Variants in GRIA4 observed in about 807,000 individuals in gnomAD.
The protein encoded by GRIA4 is glutamate ionotropic receptor AMPA type subunit 4.
In GRIA4, 34 loss-of-function variants were observed where a neutral mutation model predicts 104.0. The ratio of observed to expected loss-of-function variants is 0.33; its 90% CI spans 0.25 to 0.44. GRIA4 has a LOEUF of 0.44. Among genes scored for constraint, GRIA4 ranks in the 20% least tolerant of loss-of-function variants. The pLI is 1.00. For missense variants in GRIA4, 750 were observed against 1,096.5 expected, an observed-to-expected ratio of 0.68 and a Z score of 4.46; for synonymous variants, 386 against 381.9, an observed-to-expected ratio of 1.01 and a Z score of -0.13.
intron 3 of GRIA4, among the ~76,000 whole-genome samples, chr11:105,721,327 C>G (rs917573006): frequency 6.6e-6 from 1 of 152,048 alleles, no homozygotes; most frequent in African/African-American, 2.4e-5. Flanking sequence ...GAATGCCCCT[C>G]CCCTTCCTGT....
chr11:105,877,010 A>G (rs1262560871), intron 5 of GRIA4, among the ~76,000 whole-genome samples: 2 of 152,186 alleles, frequency 1.3e-5, no homozygotes, highest in African/African-American at 2.4e-5. Context: ...CATAGTGTCA[A>G]TGGTCTTTAC....
chr11:105,832,507 A>G (rs1249205049), intron 4 of GRIA4, among the ~76,000 whole-genome samples: 1 of 151,722 alleles, frequency 6.6e-6, no homozygotes, highest in Non-Finnish European at 1.5e-5. Flanking sequence ...CTCTGCTGCA[A>G]CCCTCTGAAG....
At chr11:105,737,560 TA>T (rs1939033063) in intron 3 of GRIA4, among the ~76,000 whole-genome samples, 1 of 152,174 alleles carries the variant, frequency 6.6e-6, no homozygotes, top group Non-Finnish European at 1.5e-5. Flanking sequence ...TTGTCCTTTT[TA>T]AATTGACAGC....
chr11:105,760,865 C>T (rs933581043), intron 4 of GRIA4, among the ~76,000 whole-genome samples: 4 of 151,456 alleles, frequency 2.6e-5, no homozygotes, highest in Non-Finnish European at 4.4e-5. Context: ...TTTTCATGTT[C>T]GAGTACATGG....
At chr11:105,976,741 C>T (rs11821382) in intron 16 of GRIA4, among the ~76,000 whole-genome samples, 42,503 of 151,696 alleles carry the variant, frequency 0.28, 5,944 homozygotes, top group Non-Finnish European at 0.29. Flanking sequence ...AGTGATCATC[C>T]CTCAAGGGAA....
At position 105,692,284 on chromosome 11, in the gene GRIA4, G is replaced by A. The variant is rs142763028; in HGVS notation, c.248-60697G>A. On this transcript the variant is annotated intron_variant, in intron 3 of 16. Coordinates refer to ENST00000282499, the MANE Select transcript of GRIA4 (RefSeq NM_000829.4). ...AAAAAAAAGAAAGTTGCCATTAAAC[G>A]AGTGATTTCTGGGTCTAAGACACCA... 2.6e-3 allele frequency among the ~76,000 whole-genome samples: 391 copies of A among 151,540 alleles called. 2 individuals carry two copies. Among genetic ancestry groups the A allele is most frequent in the African/African-American group, 8.2e-3 (338 of 41,248 alleles).
At chr11:105,624,634 A>C (rs1249394012) in intron 3 of GRIA4, among the ~76,000 whole-genome samples, 1 of 152,122 alleles carries the variant, frequency 6.6e-6, no homozygotes, top group Non-Finnish European at 1.5e-5. Context: ...CTATGTATAC[A>C]GTCTTACCTA....
At chr11:105,969,589 A>G (rs969686593) in intron 14 of GRIA4, among the ~76,000 whole-genome samples, 3 of 152,150 alleles carry the variant, frequency 2.0e-5, no homozygotes, top group African/African-American at 7.2e-5. Context: ...TTTGCCTTCA[A>G]TTGTCCCTTC....
chr11:105,958,088 T>C (rs1948637718), intron 14 of GRIA4, among the ~76,000 whole-genome samples: 2 of 152,196 alleles, frequency 1.3e-5, no homozygotes, highest in Admixed American at 6.5e-5. Flanking sequence ...CTTTTCTTAA[T>C]TGAATACCCT....
At chr11:105,937,942 G>C (rs1166401941) in intron 14 of GRIA4, among the ~76,000 whole-genome samples, 2 of 152,124 alleles carry the variant, frequency 1.3e-5, no homozygotes, top group African/African-American at 4.8e-5. Flanking sequence ...GGTTACAACA[G>C]GCAACTCAGA....
Position 105,905,405 on chromosome 11 carries a change from G to A in GRIA4, c.1158+104G>A, listed in dbSNP as rs1253400269. 6 of 649,726 alleles carry A rather than the reference G, an allele frequency of 9.2e-6. No individual in the cohort carries two copies. In the African/African-American group the frequency reaches 1.1e-4, roughly 12 times the overall value. 40.2% of individuals were successfully genotyped at this position (649,726 alleles called of 1,614,324 possible). On this transcript the variant is annotated intron_variant, in intron 9 of 16. Coordinates refer to ENST00000282499, the MANE Select transcript of GRIA4 (RefSeq NM_000829.4). ...AGATGGCTGAACATTTCCTTTTTTT[G>A]TGAGTACTTACAAATACTTTAGTAC...
intron 5 of GRIA4, among the ~76,000 whole-genome samples, chr11:105,883,796 A>C (rs1360215116): frequency 6.6e-6 from 1 of 152,152 alleles, no homozygotes; most frequent in Non-Finnish European, 1.5e-5. Flanking sequence ...ATACCCCGTA[A>C]TGGGATGGCT....
chr11:105,872,502 G>A (rs1297934925), intron 5 of GRIA4, among the ~76,000 whole-genome samples: 1 of 152,066 alleles, frequency 6.6e-6, no homozygotes, highest in African/African-American at 2.4e-5. Flanking sequence ...AGGTGCTTAT[G>A]AATTCCACAG....
chr11:105,897,430 A>C (rs1378142037), intron 6 of GRIA4, among the ~76,000 whole-genome samples: 1 of 151,584 alleles, frequency 6.6e-6, no homozygotes, highest in Non-Finnish European at 1.5e-5. Context: ...TCTGGCTAGG[A>C]TTGGAGGTAC....
At chr11:105,712,933 C>A (rs982061628) in intron 3 of GRIA4, among the ~76,000 whole-genome samples, 1 of 152,006 alleles carries the variant, frequency 6.6e-6, no homozygotes, top group South Asian at 2.1e-4. Flanking sequence ...ATATCTCATA[C>A]AAAGGCTGCA....
At chr11:105,729,444 AT>A (rs1226060712) in intron 3 of GRIA4, among the ~76,000 whole-genome samples, 2 of 152,192 alleles carry the variant, frequency 1.3e-5, no homozygotes, top group Non-Finnish European at 2.9e-5. Flanking sequence ...AGCTGGTGCC[AT>A]TTCTTCTGAA....
At chr11:105,682,148 C>T (rs917145371) in intron 3 of GRIA4, among the ~76,000 whole-genome samples, 2 of 152,038 alleles carry the variant, frequency 1.3e-5, no homozygotes, top group African/African-American at 4.8e-5. Flanking sequence ...TCTACTAGAC[C>T]GTGCTAGCCT....
At chr11:105,815,466 C>A (rs1329963348) in intron 4 of GRIA4, among the ~76,000 whole-genome samples, 1 of 152,142 alleles carries the variant, frequency 6.6e-6, no homozygotes, top group Non-Finnish European at 1.5e-5. Flanking sequence ...CCCTGCTATT[C>A]TTCCTACTTT....
intron 10 of GRIA4, among the ~76,000 whole-genome samples, chr11:105,914,227 T>G (rs1000347688): frequency 2.0e-5 from 3 of 151,716 alleles, no homozygotes; most frequent in Non-Finnish European, 4.4e-5. Flanking sequence ...GATTTACTAA[T>G]TTTTTTTCTG....
Sources: gnomAD v4.1 joint callset for allele counts (sites outside exome capture counted in the v4.1 genomes callset) on GRCh38, gnomAD v4.1.1 for gene constraint, MANE v1.5 for transcripts, NCBI Gene and HGNC (gene_info 2026-07-23, HGNC 2026-07-21) for gene names.